SLC44A5: variants seen among roughly 807,000 people sequenced by gnomAD.
SLC44A5 encodes the protein solute carrier family 44 member 5.
A neutral mutation model predicts 101.8 loss-of-function variants in SLC44A5; 57 were observed. The observed-to-expected ratio is 0.56, with a 90% confidence interval of 0.45 to 0.70. SLC44A5 has a LOEUF of 0.70. SLC44A5 is among the 30% of genes least tolerant of loss of function. SLC44A5 has a pLI of 0.00. For missense variants in SLC44A5, 737 were observed against 853.1 expected (o/e 0.86, Z 1.70); for synonymous variants, 281 against 290.9 (o/e 0.97, Z 0.35).
rs12137001 is a variant in SLC44A5 at position 75,207,530 on chromosome 1, T to C, written c.2048-3697A>G. ...TTAAGCCTCCCGCAGATATATACAA[T>C]TCACAGCAGATAGTAGCTATAGTCT... On this transcript the variant is annotated intron_variant, in intron 23 of 23. Transcript: ENST00000370859. Among the ~76,000 whole-genome samples the C allele has an allele frequency of 3.1e-3, 474 of 152,272 alleles. 2 individuals carry two copies. Among genetic ancestry groups the C allele is most frequent in the Non-Finnish European group, 4.3e-3 (295 of 68,022 alleles).
intron 2 of SLC44A5, among the ~76,000 whole-genome samples, chr1:75,466,333 T>C (rs112935424): frequency 6.6e-6 from 1 of 152,118 alleles, no homozygotes; most frequent in African/African-American, 2.4e-5. Context: ...ACATCCTTCA[T>C]GATAAAAATC....
intron 7 of SLC44A5, among the ~76,000 whole-genome samples, chr1:75,244,831 A>G (rs148657438): frequency 1.3e-5 from 2 of 152,212 alleles, no homozygotes; most frequent in African/African-American, 4.8e-5. Flanking sequence ...AGATGAAGCC[A>G]TGTGAGCTGC....
chr1:75,386,053 G>T (rs1372814957), intron 3 of SLC44A5, among the ~76,000 whole-genome samples: 1 of 152,024 alleles, frequency 6.6e-6, no homozygotes, highest in East Asian at 1.9e-4. Flanking sequence ...TTGATGGGAC[G>T]TATTTCAAAA....
At chr1:75,426,687 A>T (rs943713360) in intron 2 of SLC44A5, among the ~76,000 whole-genome samples, 3 of 152,256 alleles carry the variant, frequency 2.0e-5, no homozygotes, top group Admixed American at 2.0e-4. Context: ...AAACTTAAAA[A>T]GGAGGCTGAC....
chr1:75,421,884 AAAG>A (rs1211087509), intron 2 of SLC44A5, among the ~76,000 whole-genome samples: 2 of 152,142 alleles, frequency 1.3e-5, no homozygotes, highest in Non-Finnish European at 2.9e-5. Flanking sequence ...AAAAAAAAAA[AAAG>A]TACTTTGGTG....
At chr1:75,477,943 A>T (rs1393065830) in intron 2 of SLC44A5, among the ~76,000 whole-genome samples, 2 of 152,058 alleles carry the variant, frequency 1.3e-5, no homozygotes, top group African/African-American at 4.8e-5. Flanking sequence ...TCCAAGACAC[A>T]TAATTGTCAG....
chr1:75,674,048 C>T, the SLC44A5 span, among the ~76,000 whole-genome samples: 2 of 151,900 alleles, frequency 1.3e-5, no homozygotes, highest in Non-Finnish European at 2.9e-5. Context: ...AAAACATGAC[C>T]TCACCAAACA....
At chr1:75,599,045 T>C (rs1048717035) in intron 1 of SLC44A5, among the ~76,000 whole-genome samples, 3 of 152,304 alleles carry the variant, frequency 2.0e-5, no homozygotes, top group Middle Eastern at 3.4e-3. Flanking sequence ...AATTGAATAT[T>C]ACCAAACCAT....
the SLC44A5 span, among the ~76,000 whole-genome samples, chr1:75,642,395 G>A: frequency 1.3e-5 from 2 of 152,048 alleles, no homozygotes; most frequent in African/African-American, 4.8e-5. Context: ...TGGTCATCAC[G>A]TGAGCAGCTG....
At chr1:75,560,265 G>A (rs1672447626) in intron 1 of SLC44A5, among the ~76,000 whole-genome samples, 1 of 152,148 alleles carries the variant, frequency 6.6e-6, no homozygotes, top group African/African-American at 2.4e-5. Context: ...TAGATGTACT[G>A]TGGAAATAAC....
At chr1:75,589,891 T>C (rs1312841970) in intron 1 of SLC44A5, among the ~76,000 whole-genome samples, 1 of 152,096 alleles carries the variant, frequency 6.6e-6, no homozygotes, top group Non-Finnish European at 1.5e-5. Flanking sequence ...AGGGGAATTG[T>C]CCATCTCAGC....
chr1:75,614,816 G>A (rs751012884), upstream of SLC44A5, among the ~76,000 whole-genome samples: 1 of 151,998 alleles, frequency 6.6e-6, no homozygotes, highest in South Asian at 2.1e-4. Flanking sequence ...CAGTTCCCCC[G>A]CGCACAGCCT....
intron 2 of SLC44A5, among the ~76,000 whole-genome samples, chr1:75,502,713 C>T (rs1570464426): frequency 7.0e-6 from 1 of 143,086 alleles, no homozygotes; most frequent in East Asian, 2.2e-4. Context: ...CCTCCCCCTA[C>T]TCCACAACAG....
chr1:75,683,596 G>T, the SLC44A5 span, among the ~76,000 whole-genome samples: 1 of 152,066 alleles, frequency 6.6e-6, no homozygotes, highest in Non-Finnish European at 1.5e-5. Flanking sequence ...TCACTCTCTG[G>T]GGACTGTTGT....
At chr1:75,472,017 A>G (rs1178166713) in intron 2 of SLC44A5, among the ~76,000 whole-genome samples, 2 of 149,440 alleles carry the variant, frequency 1.3e-5, no homozygotes, top group African/African-American at 4.9e-5. Context: ...GCAATACTAG[A>G]TATTGTATTT....
intron 4 of SLC44A5, chr1:75,311,587 G>A: frequency 1.0e-6 from 1 of 984,530 alleles, no homozygotes; most frequent in Non-Finnish European, 1.2e-6. Context: ...GGCCTTCAAA[G>A]ACTCTAATTT....
At chr1:75,476,751 G>C (rs1429355052) in intron 2 of SLC44A5, among the ~76,000 whole-genome samples, 1 of 152,252 alleles carries the variant, frequency 6.6e-6, no homozygotes, top group East Asian at 1.9e-4. Context: ...CAGCAGGGAA[G>C]CTCGAACTGG....
At chr1:75,517,933 T>A (rs1051313751) in intron 2 of SLC44A5, among the ~76,000 whole-genome samples, 1 of 152,178 alleles carries the variant, frequency 6.6e-6, no homozygotes, top group Non-Finnish European at 1.5e-5. Flanking sequence ...CTACTGGATT[T>A]CTCTGAGATT....
chr1:75,252,742 C>A (rs1407210520), intron 6 of SLC44A5, among the ~76,000 whole-genome samples: 3 of 152,082 alleles, frequency 2.0e-5, no homozygotes, highest in Non-Finnish European at 4.4e-5. Context: ...CCCAAAGAGA[C>A]CACAAGAGAA....
Sources: allele counts gnomAD v4.1 joint callset (sites outside exome capture counted in the v4.1 genomes callset), GRCh38; gene constraint gnomAD v4.1.1; transcripts MANE v1.5; gene names NCBI Gene and HGNC (gene_info 2026-07-23, HGNC 2026-07-21).